EFCAB5: variants seen among roughly 807,000 people sequenced by gnomAD.
EFCAB5 encodes the protein EF-hand calcium binding domain 5.
In EFCAB5, 131 loss-of-function variants were observed where a neutral mutation model predicts 167.9. The observed-to-expected ratio is 0.78, with a 90% CI of 0.68 to 0.90. The LOEUF (loss-of-function observed/expected upper bound fraction) is 0.90, where lower values mean the gene tolerates loss of function less well. Ranked by LOEUF, EFCAB5 falls within the 40% of genes least tolerant of loss-of-function variation. The pLI, the probability that EFCAB5 is intolerant of heterozygous loss-of-function variation, is 0.00. For synonymous variants in EFCAB5, 574 were observed against 602.8 expected, an observed-to-expected ratio of 0.95 and a Z score of 0.70; for missense variants, 1,663 against 1,745.2, an observed-to-expected ratio of 0.95 and a Z score of 0.84.
At chr17:30,042,896 A>G (rs1189423948) in intron 8 of EFCAB5, among the ~76,000 whole-genome samples, 1 of 152,222 alleles carries the variant, frequency 6.6e-6, no homozygotes, top group East Asian at 1.9e-4. Context: ...CTTTAAGTTA[A>G]TTTTAACAAA....
At chr17:30,047,972 G>A (rs2069975360) in intron 8 of EFCAB5, among the ~76,000 whole-genome samples, 1 of 152,162 alleles carries the variant, frequency 6.6e-6, no homozygotes. Context: ...AGGGCCTGTA[G>A]CCATTTATTA....
In EFCAB5 at chr17:30,033,330, G is replaced by A. The variant is rs528350970; in HGVS notation, c.1045-900G>A. Reference sequence around the variant, plus strand: ...CCTGACCTTGTGATCCGCCCGCCTCGGCCTCCCAAAGTGCTGGGATTACAG... The same window carrying A: ...CCTGACCTTGTGATCCGCCCGCCTCAGCCTCCCAAAGTGCTGGGATTACAG... On this transcript the variant is annotated intron_variant, in intron 7 of 22. Transcript: ENST00000394835. Among the ~76,000 whole-genome samples the A allele has an allele frequency of 9.2e-5, 14 of 152,128 alleles. No homozygotes were observed. In the East Asian group the frequency reaches 2.1e-3, roughly 23 times the overall value.
intron 8 of EFCAB5, among the ~76,000 whole-genome samples, chr17:30,039,089 A>G (rs2069700135): frequency 6.6e-6 from 1 of 152,168 alleles, no homozygotes; most frequent in African/African-American, 2.4e-5. Context: ...AAGCCGCAGG[A>G]GCCGTCTTTT....
chr17:30,046,527 C>T (rs1224490966), intron 8 of EFCAB5, among the ~76,000 whole-genome samples: 4 of 152,154 alleles, frequency 2.6e-5, no homozygotes, highest in Non-Finnish European at 5.9e-5. Flanking sequence ...GAAAAATCAG[C>T]CCCCAAATAT....
intron 8 of EFCAB5, among the ~76,000 whole-genome samples, chr17:30,047,444 G>A (rs2069959011): frequency 6.6e-6 from 1 of 152,060 alleles, no homozygotes; most frequent in Admixed American, 6.6e-5. Context: ...TAATTTCAAG[G>A]GAAATGATTG....
intron 8 of EFCAB5, among the ~76,000 whole-genome samples, chr17:30,042,845 A>G (rs1947055862): frequency 6.6e-6 from 1 of 152,236 alleles, no homozygotes; most frequent in African/African-American, 2.4e-5. Flanking sequence ...AATAAAAGAA[A>G]ACCATACACT....
chr17:30,066,602 C>A (rs2070578638), intron 14 of EFCAB5, among the ~76,000 whole-genome samples: 1 of 151,840 alleles, frequency 6.6e-6, no homozygotes, highest in South Asian at 2.1e-4. Flanking sequence ...AACAATGCAT[C>A]TCAAGGAATT....
chr17:29,991,168 C>T (rs1160167835), intron 4 of EFCAB5, among the ~76,000 whole-genome samples: 4 of 152,170 alleles, frequency 2.6e-5, no homozygotes, highest in Non-Finnish European at 4.4e-5. Flanking sequence ...TAAGAGTACT[C>T]GGGTGTCCTC....
intron 1 of EFCAB5, among the ~76,000 whole-genome samples, chr17:29,935,210 A>C (rs1401756841): frequency 2.0e-5 from 3 of 152,172 alleles, no homozygotes; most frequent in Non-Finnish European, 2.9e-5. Flanking sequence ...AAGTTTTATA[A>C]AAACTTTAAC....
rs28862092 is a variant in EFCAB5 at position 29,936,477 on chromosome 17, C to G, written c.-126-5763C>G. The stretch of plus-strand genomic sequence containing the variant: ...TAATAATAATAAAAAAAGAAGCAAT[C>G]GGGATAGACAAGAAGGAGCAAGTCT... On this transcript the variant is annotated intron_variant, in intron 1 of 3. Transcript: ENST00000448319. Among the ~76,000 whole-genome samples, 7 of 152,250 alleles carry G rather than the reference C, an allele frequency of 4.6e-5. No individual in the cohort carries two copies. The South Asian group carries it at 1.2e-3, about 27-fold the overall frequency.
chr17:30,073,353 G>A (rs1478808814), intron 14 of EFCAB5, among the ~76,000 whole-genome samples: 2 of 152,018 alleles, frequency 1.3e-5, no homozygotes, highest in African/African-American at 4.8e-5. Context: ...CACCATGCCC[G>A]ACCCCAGCAT....
chr17:30,036,796 T>C (rs2069642478), intron 8 of EFCAB5, among the ~76,000 whole-genome samples: 1 of 152,192 alleles, frequency 6.6e-6, no homozygotes, highest in Admixed American at 6.6e-5. Flanking sequence ...TGGAAAATGC[T>C]GGGCTCTTAA....
intron 7 of EFCAB5, among the ~76,000 whole-genome samples, chr17:30,017,443 A>G (rs1388782654): frequency 6.6e-6 from 1 of 152,178 alleles, no homozygotes; most frequent in Admixed American, 6.5e-5. Context: ...CTACGCCACT[A>G]CAGATAGATG....
chr17:30,004,252 A>T (rs976933577), intron 7 of EFCAB5, among the ~76,000 whole-genome samples: 8 of 152,194 alleles, frequency 5.3e-5, no homozygotes, highest in Non-Finnish European at 1.2e-4. Flanking sequence ...TATCACTATG[A>T]GACTTGGGAT....
chr17:30,101,326 T>C (rs139111855), intron 22 of EFCAB5, among the ~76,000 whole-genome samples: 1 of 152,320 alleles, frequency 6.6e-6, no homozygotes, highest in East Asian at 1.9e-4. Flanking sequence ...GGTCATATTA[T>C]ATATATTTGA....
At chr17:29,941,492 T>C (rs2067296712), upstream of EFCAB5, 1 of 207,466 alleles carries the variant, frequency 4.8e-6, no homozygotes, top group African/African-American at 2.3e-5. Flanking sequence ...ATTGCATTAC[T>C]GCTGCTGTAT....
rs148862288 is a variant in EFCAB5 at position 30,083,645 on chromosome 17, G to A, written c.3579+602G>A. 7.2e-3 allele frequency among the ~76,000 whole-genome samples: 1,102 copies of A among 152,252 alleles called. 6 individuals are homozygous for A. Among genetic ancestry groups the A allele is most frequent in the African/African-American group, 0.025 (1,059 of 41,538 alleles). Reference sequence around the variant, plus strand: ...AATTTTGTATTTTTAGTAGAGGCGGGGTTTCTCCATATTGGTCAGGCTAGT... The same window carrying A: ...AATTTTGTATTTTTAGTAGAGGCGGAGTTTCTCCATATTGGTCAGGCTAGT... On this transcript the variant is annotated intron_variant, in intron 18 of 22. Transcript: ENST00000394835.
At chr17:29,985,797 T>A (rs1046383373) in intron 4 of EFCAB5, among the ~76,000 whole-genome samples, 1 of 152,202 alleles carries the variant, frequency 6.6e-6, no homozygotes, top group Non-Finnish European at 1.5e-5. Context: ...ATGGGGATCA[T>A]GGCCATCAGG....
At chr17:30,035,309 C>T (rs900730505) in intron 8 of EFCAB5, among the ~76,000 whole-genome samples, 3 of 152,134 alleles carry the variant, frequency 2.0e-5, no homozygotes, top group Admixed American at 6.5e-5. Context: ...AACACCAATT[C>T]GTGTGCTGTA....
Sources: gnomAD v4.1 joint callset for allele counts (sites outside exome capture counted in the v4.1 genomes callset) on GRCh38, gnomAD v4.1.1 for gene constraint, MANE v1.5 for transcripts, NCBI Gene and HGNC (gene_info 2026-07-23, HGNC 2026-07-21) for gene names.